Variants in TMC1 observed in about 807,000 individuals in gnomAD.
The protein encoded by TMC1 is transmembrane channel like 1, also known as transmembrane channel-like protein 1.
Under a neutral mutation model 105.8 loss-of-function variants are expected in TMC1, and 84 were observed. The ratio of observed to expected loss-of-function variants is 0.79; its 90% CI spans 0.67 to 0.95. TMC1 has a LOEUF of 0.95. Ranked by LOEUF, TMC1 falls within the 40% of genes least tolerant of loss-of-function variation. TMC1 has a pLI of 0.00. For missense variants in TMC1, 817 were observed against 914.1 expected, an observed-to-expected ratio of 0.89 and a Z score of 1.37; for synonymous variants, 315 against 311.5, an observed-to-expected ratio of 1.01 and a Z score of -0.12.
chr9:72,684,074 C>T (rs1826337203), intron 5 of TMC1, among the ~76,000 whole-genome samples: 2 of 151,864 alleles, frequency 1.3e-5, no homozygotes, highest in Admixed American at 6.6e-5. Context: ...AGGGATAAAC[C>T]AAAAGCAGAA....
At chr9:72,758,734 A>C (rs1372208400) in intron 12 of TMC1, among the ~76,000 whole-genome samples, 2 of 152,214 alleles carry the variant, frequency 1.3e-5, no homozygotes, top group Non-Finnish European at 2.9e-5. Context: ...TGTATGTGTT[A>C]CCTCAGGTTA....
At chr9:72,629,630 A>T (rs1021282511) in intron 4 of TMC1, among the ~76,000 whole-genome samples, 1 of 152,154 alleles carries the variant, frequency 6.6e-6, no homozygotes, top group African/African-American at 2.4e-5. Flanking sequence ...GACACTTGAG[A>T]TAAAGGGAAC....
chr9:72,670,292 T>C (rs950213325), intron 5 of TMC1, among the ~76,000 whole-genome samples: 2 of 152,156 alleles, frequency 1.3e-5, no homozygotes, highest in African/African-American at 4.8e-5. Flanking sequence ...CATGGGACAT[T>C]AGGTAGAGTA....
intron 4 of TMC1, among the ~76,000 whole-genome samples, chr9:72,640,474 A>T (rs1466537617): frequency 2.0e-5 from 3 of 152,192 alleles, no homozygotes; most frequent in African/African-American, 4.8e-5. Flanking sequence ...GGGGACATGC[A>T]CTTAAGATAG....
intron 1 of TMC1, among the ~76,000 whole-genome samples, chr9:72,534,727 CAG>C (rs374543555): frequency 6.6e-6 from 1 of 151,988 alleles, no homozygotes; most frequent in Non-Finnish European, 1.5e-5. Context: ...GATGAAGAAA[CAG>C]AACTGAAATC....
intron 12 of TMC1, among the ~76,000 whole-genome samples, chr9:72,757,069 G>A (rs556814826): frequency 5.3e-5 from 8 of 152,274 alleles, no homozygotes; most frequent in Middle Eastern, 3.4e-3. Context: ...GTTATTTCAA[G>A]GCCTGCCTGA....
At chr9:72,700,909 A>G (rs1826635823) in intron 8 of TMC1, among the ~76,000 whole-genome samples, 1 of 151,758 alleles carries the variant, frequency 6.6e-6, no homozygotes, top group Admixed American at 6.6e-5. Context: ...GTATATTTAC[A>G]TATATCTGTT....
chr9:72,825,840 A>G (rs1211216053), intron 20 of TMC1, among the ~76,000 whole-genome samples: 1 of 152,074 alleles, frequency 6.6e-6, no homozygotes, highest in Non-Finnish European at 1.5e-5. Context: ...TAGAGTGTAG[A>G]TCTTTAATTT....
intron 12 of TMC1, among the ~76,000 whole-genome samples, chr9:72,755,661 C>T (rs1827666751): frequency 6.6e-6 from 1 of 151,980 alleles, no homozygotes; most frequent in Non-Finnish European, 1.5e-5. Flanking sequence ...CTAGAAATGT[C>T]TGGAAGCATA....
At chr9:72,682,642 C>T (rs966109504) in intron 5 of TMC1, among the ~76,000 whole-genome samples, 2 of 152,154 alleles carry the variant, frequency 1.3e-5, no homozygotes, top group African/African-American at 2.4e-5. Context: ...AGAAGAATTG[C>T]ACCCTATTAC....
intron 5 of TMC1, among the ~76,000 whole-genome samples, chr9:72,678,381 A>G (rs1010840218): frequency 6.6e-6 from 1 of 152,080 alleles, no homozygotes; most frequent in African/African-American, 2.4e-5. Context: ...TTAGAGCAAA[A>G]ATGAATTATA....
intron 6 of TMC1, among the ~76,000 whole-genome samples, chr9:72,693,814 TA>T (rs1826506670): frequency 6.6e-6 from 1 of 152,128 alleles, no homozygotes; most frequent in African/African-American, 2.4e-5. Flanking sequence ...GGAAGCATCC[TA>T]AAAAGTTATG....
intron 13 of TMC1, among the ~76,000 whole-genome samples, chr9:72,784,448 T>G (rs1322680465): frequency 6.6e-6 from 1 of 152,124 alleles, no homozygotes; most frequent in African/African-American, 2.4e-5. Flanking sequence ...AAACAGATGC[T>G]GGCATGACTG....
chr9:72,655,544 C>A (rs1307394792), intron 5 of TMC1, among the ~76,000 whole-genome samples: 1 of 151,838 alleles, frequency 6.6e-6, no homozygotes, highest in Non-Finnish European at 1.5e-5. Context: ...AGATCGAGAC[C>A]ATCCTGGTCA....
intron 8 of TMC1, among the ~76,000 whole-genome samples, chr9:72,710,274 A>C (rs550081853): frequency 2.6e-5 from 4 of 152,242 alleles, no homozygotes; most frequent in Middle Eastern, 6.8e-3. Flanking sequence ...CATATGGTTT[A>C]TCTTGGAGAA....
intron 8 of TMC1, among the ~76,000 whole-genome samples, chr9:72,718,288 A>G (rs1826957853): frequency 6.6e-6 from 1 of 152,044 alleles, no homozygotes; most frequent in African/African-American, 2.4e-5. Flanking sequence ...TTATTTTGTC[A>G]TATTACCAGA....
At chr9:72,783,874 G>T (rs1592028) in intron 13 of TMC1, among the ~76,000 whole-genome samples, 88,989 of 151,950 alleles carry the variant, frequency 0.59, 27,885 homozygotes, top group African/African-American at 0.83. Context: ...CCTTTCACCA[G>T]ATACAAAAAT....
In TMC1 at chr9:72,836,914, G is replaced by A. The variant is rs140705715; in HGVS notation, c.*941G>A. On this transcript the variant is annotated 3_prime_UTR_variant, in exon 24 of 24. Coordinates refer to ENST00000297784, the MANE Select transcript of TMC1 (RefSeq NM_138691.3). ...GGCAAGTTTTAGAGCAGGAGTGTAG[G>A]TTTATTAAAAAGTTTTACAGCAGGA... 7.2e-4 allele frequency: 109 copies of A among 152,220 alleles called. No homozygotes were observed. The highest frequency in any genetic ancestry group is 2.6e-3 in the African/African-American group (109 of 41,542). The allele number at this position is 152,220 out of a possible 1,614,324, so 9.4% of individuals were successfully genotyped here. A position where few individuals can be genotyped will look rare whatever the true frequency, so the allele number is the denominator to read the frequency against.
At chr9:72,742,317 GA>G in intron 9 of TMC1, 126 bp from the exon 10 acceptor site, 1 of 763,428 alleles carries the variant, frequency 1.3e-6, no homozygotes, top group Non-Finnish European at 2.3e-6. Flanking sequence ...CCTTTGACTA[GA>G]AAGTAGTATT....
Sources: gnomAD v4.1 joint callset for allele counts (sites outside exome capture counted in the v4.1 genomes callset) on GRCh38, gnomAD v4.1.1 for gene constraint, MANE v1.5 for transcripts, NCBI Gene and HGNC (gene_info 2026-07-23, HGNC 2026-07-21) for gene names.